The following CSTPP1 variants were observed in gnomAD, a reference collection of about 807,000 sequenced individuals.
CSTPP1 encodes centriolar satellite-associated tubulin polyglutamylase complex regulator 1.
chr11:47,144,627 A>G, the CSTPP1 span, among the ~76,000 whole-genome samples: 1 of 152,206 alleles, frequency 6.6e-6, no homozygotes, highest in Non-Finnish European at 1.5e-5. Flanking sequence ...AAAATAATAT[A>G]TAACAAAAAT....
At chr11:47,076,990 G>T in the CSTPP1 span, among the ~76,000 whole-genome samples, 2 of 149,320 alleles carry the variant, frequency 1.3e-5, no homozygotes, top group African/African-American at 2.5e-5. Flanking sequence ...AAAACTGAAG[G>T]CCCAGTCCAG....
At chr11:46,940,974 AT>A in the CSTPP1 span, among the ~76,000 whole-genome samples, 1 of 152,196 alleles carries the variant, frequency 6.6e-6, no homozygotes, top group East Asian at 1.9e-4. Context: ...CTCTTCATAA[AT>A]GGCGTTTTCA....
At chr11:47,144,645 A>G in the CSTPP1 span, among the ~76,000 whole-genome samples, 1 of 152,214 alleles carries the variant, frequency 6.6e-6, no homozygotes, top group Non-Finnish European at 1.5e-5. Flanking sequence ...AATCTCCAGT[A>G]AAGACAAGAC....
At chr11:46,959,201 G>GT in the CSTPP1 span, among the ~76,000 whole-genome samples, 1 of 149,204 alleles carries the variant, frequency 6.7e-6, no homozygotes. Context: ...TTGTTTTATT[G>GT]GTTTTTTTTT....
At chr11:47,088,420 C>T in the CSTPP1 span, among the ~76,000 whole-genome samples, 1 of 152,064 alleles carries the variant, frequency 6.6e-6, no homozygotes, top group Admixed American at 6.5e-5. Context: ...CTGGAAAACA[C>T]AGAAAAAGAA....
the CSTPP1 span, among the ~76,000 whole-genome samples, chr11:47,099,445 C>T: frequency 6.6e-6 from 1 of 152,172 alleles, no homozygotes; most frequent in Non-Finnish European, 1.5e-5. Context: ...AAAGCCTTTA[C>T]CAGAGTGGTT....
chr11:46,979,781 C>T, the CSTPP1 span, among the ~76,000 whole-genome samples: 7 of 152,212 alleles, frequency 4.6e-5, no homozygotes, highest in South Asian at 6.2e-4. Flanking sequence ...AGCATGGTGG[C>T]GGGCGCCTGT....
the CSTPP1 span, among the ~76,000 whole-genome samples, chr11:47,082,149 CA>C: frequency 0.013 from 1,043 of 83,258 alleles, 6 homozygotes; most frequent in South Asian, 0.044. Context: ...GACCCTGTCT[CA>C]AAAAAAAAAA....
chr11:47,088,988 G>A, the CSTPP1 span, among the ~76,000 whole-genome samples: 1 of 152,070 alleles, frequency 6.6e-6, no homozygotes, highest in Non-Finnish European at 1.5e-5. Flanking sequence ...TATAAGTATT[G>A]ATCATCTGAG....
the CSTPP1 span, among the ~76,000 whole-genome samples, chr11:46,954,941 C>T: frequency 6.6e-6 from 1 of 152,068 alleles, no homozygotes; most frequent in East Asian, 1.9e-4. Context: ...ACAGCAAAAT[C>T]AACCGTCAAA....
chr11:47,090,475 AAC>A, the CSTPP1 span, among the ~76,000 whole-genome samples: 18 of 152,306 alleles, frequency 1.2e-4, no homozygotes, highest in African/African-American at 3.8e-4. Flanking sequence ...TGGAAAAAAA[AAC>A]AGTTTTGACA....
chr11:47,152,723 A>T, the CSTPP1 span, among the ~76,000 whole-genome samples: 2 of 152,230 alleles, frequency 1.3e-5, no homozygotes, highest in Admixed American at 1.3e-4. Flanking sequence ...GTGTGTCATT[A>T]TATCACAATG....
the CSTPP1 span, among the ~76,000 whole-genome samples, chr11:47,026,504 C>CA: frequency 6.6e-6 from 1 of 151,998 alleles, no homozygotes; most frequent in Non-Finnish European, 1.5e-5. Flanking sequence ...AATAATAAGC[C>CA]AAAACCCTAA....
At chr11:47,024,624 TTTA>T in the CSTPP1 span, among the ~76,000 whole-genome samples, 2 of 152,074 alleles carry the variant, frequency 1.3e-5, no homozygotes, top group African/African-American at 4.8e-5. Context: ...ACTAAGAAGG[TTTA>T]TATCACAGAG....
chr11:47,110,579 A>G, the CSTPP1 span, among the ~76,000 whole-genome samples: 1 of 152,198 alleles, frequency 6.6e-6, no homozygotes, highest in African/African-American at 2.4e-5. Flanking sequence ...AAGTACTACA[A>G]ACTTCCTGGC....
At chr11:47,164,368 A>C in the CSTPP1 span, 9 of 1,191,938 alleles carry the variant, frequency 7.6e-6, no homozygotes, top group Admixed American at 3.0e-5. Flanking sequence ...GTTTCAATAC[A>C]AACAGTCCAG....
At chr11:47,076,925 A>G in the CSTPP1 span, among the ~76,000 whole-genome samples, 1 of 151,462 alleles carries the variant, frequency 6.6e-6, no homozygotes, top group Non-Finnish European at 1.5e-5. Flanking sequence ...AAAGATCAAG[A>G]AATTACCCAG....
At chr11:47,086,790 A>G in the CSTPP1 span, among the ~76,000 whole-genome samples, 1 of 152,232 alleles carries the variant, frequency 6.6e-6, no homozygotes, top group Non-Finnish European at 1.5e-5. Flanking sequence ...TATTTATCAA[A>G]AGCAGTGATA....
chr11:47,128,556 A>T, the CSTPP1 span, among the ~76,000 whole-genome samples: 1 of 150,996 alleles, frequency 6.6e-6, no homozygotes, highest in Non-Finnish European at 1.5e-5. Flanking sequence ...TAATTTTTTC[A>T]TTTTTATTTT....
Sources: gnomAD v4.1 joint callset for allele counts (sites outside exome capture counted in the v4.1 genomes callset) on GRCh38, gnomAD v4.1.1 for gene constraint, MANE v1.5 for transcripts, NCBI Gene and HGNC (gene_info 2026-07-23, HGNC 2026-07-21) for gene names.